PLGRKT: variants seen among roughly 807,000 people sequenced by gnomAD.
PLGRKT encodes the protein plasminogen receptor (KT).
In PLGRKT, 22 loss-of-function variants were observed where a neutral mutation model predicts 18.5. That is an observed-to-expected ratio of 1.19 (90% confidence interval 0.85 to 1.70). The LOEUF is 1.70. Among genes scored for constraint, PLGRKT ranks in the 40% most tolerant of loss-of-function variants. PLGRKT has a pLI of 0.00. For synonymous variants in PLGRKT, 72 were observed against 52.8 expected (o/e 1.36, Z -1.58); for missense variants, 235 against 174.4 (o/e 1.35, Z -1.96).
At chr9:5,358,460 TG>T (rs1028951210) in intron 5 of PLGRKT, 100 bp from the exon 6 acceptor site, 2 of 947,428 alleles carry the variant, frequency 2.1e-6, no homozygotes, top group African/African-American at 3.2e-5. Flanking sequence ...TAACACCGTA[TG>T]AGCCATGTCC....
At chr9:5,368,335 T>G (rs1471401128) in intron 3 of PLGRKT, among the ~76,000 whole-genome samples, 1 of 152,202 alleles carries the variant, frequency 6.6e-6, no homozygotes, top group African/African-American at 2.4e-5. Flanking sequence ...TCAACCTAGG[T>G]GCCCATCAAT....
At chr9:5,432,735 TG>T (rs1048120035) in intron 2 of PLGRKT, among the ~76,000 whole-genome samples, 151 of 152,308 alleles carry the variant, frequency 9.9e-4, no homozygotes, top group African/African-American at 3.5e-3. Context: ...TGGCCTCGGG[TG>T]ATCTGCCCGC....
chr9:5,381,611 G>C (rs1238067489), intron 3 of PLGRKT, among the ~76,000 whole-genome samples: 1 of 152,218 alleles, frequency 6.6e-6, no homozygotes, highest in Non-Finnish European at 1.5e-5. Flanking sequence ...AAATGGGGAT[G>C]TATTATTCCT....
At chr9:5,371,185 C>T (rs1001979951) in intron 3 of PLGRKT, among the ~76,000 whole-genome samples, 4 of 152,082 alleles carry the variant, frequency 2.6e-5, no homozygotes, top group Non-Finnish European at 5.9e-5. Context: ...TGCCAAATGC[C>T]GTATTAAGAG....
intron 3 of PLGRKT, among the ~76,000 whole-genome samples, chr9:5,365,399 T>C (rs1283076145): frequency 6.6e-6 from 1 of 152,218 alleles, no homozygotes; most frequent in Non-Finnish European, 1.5e-5. Context: ...TATACTAACA[T>C]AAATGGAGAA....
intron 3 of PLGRKT, among the ~76,000 whole-genome samples, chr9:5,417,339 A>G (rs761827950): frequency 2.4e-4 from 36 of 152,344 alleles, no homozygotes; most frequent in Middle Eastern, 3.4e-3. Context: ...GCAAAAGAGT[A>G]AAGTTGGACC....
At chr9:5,417,867 C>T (rs1350371194) in intron 3 of PLGRKT, among the ~76,000 whole-genome samples, 1 of 152,038 alleles carries the variant, frequency 6.6e-6, no homozygotes, top group Non-Finnish European at 1.5e-5. Context: ...TAAAAAGCCT[C>T]AGCAACTAAA....
chr9:5,392,223 G>C (rs1817962997), intron 3 of PLGRKT: 1 of 151,772 alleles, frequency 6.6e-6, no homozygotes, highest in Non-Finnish European at 1.5e-5. Context: ...AGGACAAATG[G>C]GTATTTGTCA....
At chr9:5,437,036 G>C (rs1231570617) in intron 1 of PLGRKT, among the ~76,000 whole-genome samples, 1 of 152,130 alleles carries the variant, frequency 6.6e-6, no homozygotes, top group African/African-American at 2.4e-5. Flanking sequence ...GTGATGTTTT[G>C]CAGAGAATGC....
At chr9:5,363,857 T>C (rs1376841218) in intron 3 of PLGRKT, among the ~76,000 whole-genome samples, 1 of 152,218 alleles carries the variant, frequency 6.6e-6, no homozygotes, top group African/African-American at 2.4e-5. Context: ...CAAAATTAAA[T>C]TTGCTGTCAC....
rs185244327 is a variant in PLGRKT at position 5,376,603 on chromosome 9, C to T, written c.82-14715G>A. Among the ~76,000 whole-genome samples, 66 of 152,276 alleles carry T rather than the reference C, an allele frequency of 4.3e-4. 1 individual carries two copies. Among genetic ancestry groups the T allele is most frequent in the Non-Finnish European group, 1.9e-4 (13 of 68,028 alleles). On this transcript the variant is annotated intron_variant, in intron 3 of 5. Coordinates refer to ENST00000223864, the MANE Select transcript of PLGRKT (RefSeq NM_018465.4). Reference sequence around the variant, plus strand: ...ATTCTACTTTCCAGCAGCATCAGCACTCAGTAGAAACTGTTTTTCTCCTTT... The same window carrying T: ...ATTCTACTTTCCAGCAGCATCAGCATTCAGTAGAAACTGTTTTTCTCCTTT...
At chr9:5,387,761 T>C (rs1018249058) in intron 3 of PLGRKT, among the ~76,000 whole-genome samples, 5 of 151,798 alleles carry the variant, frequency 3.3e-5, no homozygotes, top group African/African-American at 1.2e-4. Context: ...TTAAGATTTG[T>C]GCACATCACT....
intron 2 of PLGRKT, 75 bp from the exon 3 acceptor site, chr9:5,432,058 C>G: frequency 1.4e-6 from 1 of 697,026 alleles, no homozygotes; most frequent in Non-Finnish European, 2.6e-6. Flanking sequence ...TTTGAGCTAC[C>G]TTGGGCTTAT....
At chr9:5,404,670 C>T (rs1818221701) in intron 3 of PLGRKT, among the ~76,000 whole-genome samples, 1 of 152,138 alleles carries the variant, frequency 6.6e-6, no homozygotes, top group Non-Finnish European at 1.5e-5. Flanking sequence ...CAGCCAATAG[C>T]ATACTGAATG....
chr9:5,361,496 G>A (rs775798487), intron 4 of PLGRKT, among the ~76,000 whole-genome samples: 1 of 152,150 alleles, frequency 6.6e-6, no homozygotes, highest in Non-Finnish European at 1.5e-5. Context: ...TAAACACATA[G>A]AGCCCTTCTT....
At chr9:5,363,913 T>C (rs547619395) in intron 3 of PLGRKT, among the ~76,000 whole-genome samples, 4 of 152,348 alleles carry the variant, frequency 2.6e-5, no homozygotes, top group African/African-American at 7.2e-5. Context: ...AGTTTAAAAA[T>C]AGATGTGTTT....
intron 3 of PLGRKT, among the ~76,000 whole-genome samples, chr9:5,430,088 G>C (rs1818790970): frequency 1.3e-5 from 2 of 152,302 alleles, no homozygotes; most frequent in Middle Eastern, 3.4e-3. Flanking sequence ...GCCCATCTTT[G>C]TCACCTCGGT....
chr9:5,395,851 T>C (rs1355808405), intron 3 of PLGRKT, among the ~76,000 whole-genome samples: 4 of 151,158 alleles, frequency 2.6e-5, no homozygotes, highest in Admixed American at 1.3e-4. Flanking sequence ...TTGGATACCA[T>C]TAAGAAATGC....
At chr9:5,385,432 A>ATGATCCTCCTGCCTCG (rs1412009514) in intron 3 of PLGRKT, among the ~76,000 whole-genome samples, 1 of 151,318 alleles carries the variant, frequency 6.6e-6, no homozygotes, top group Non-Finnish European at 1.5e-5. Context: ...TCCTGACCTC[A>ATGATCCTCCTGCCTCG]TGATCCTCCT....
Sources: gnomAD v4.1 joint callset for allele counts (sites outside exome capture counted in the v4.1 genomes callset) on GRCh38, gnomAD v4.1.1 for gene constraint, MANE v1.5 for transcripts, NCBI Gene and HGNC (gene_info 2026-07-23, HGNC 2026-07-21) for gene names.